The following PHKA1 variants were observed in gnomAD, a reference collection of about 807,000 sequenced individuals.
The protein encoded by PHKA1 is phosphorylase kinase regulatory subunit alpha 1.
Under a neutral mutation model 110.2 loss-of-function variants are expected in PHKA1, and 60 were observed. The ratio of observed to expected loss-of-function variants is 0.54; its 90% CI spans 0.44 to 0.68. The LOEUF (loss-of-function observed/expected upper bound fraction) is 0.68. Among genes scored for constraint, PHKA1 ranks in the 30% least tolerant of loss-of-function variants. PHKA1 has a pLI of 0.00. For synonymous variants in PHKA1, 316 were observed against 333.6 expected, an observed-to-expected ratio of 0.95 and a Z score of 0.58; for missense variants, 801 against 942.5, an observed-to-expected ratio of 0.85 and a Z score of 1.97.
At chrX:72,585,310 T>C (rs781844431) in intron 29 of PHKA1, among the ~76,000 whole-genome samples, 1 of 111,869 alleles carries the variant, frequency 8.9e-6, no homozygotes, top group South Asian at 3.8e-4. Flanking sequence ...ACTCAAAATG[T>C]ATGCTTTTCA....
rs183563403 is a variant in PHKA1 at position 72,685,928 on chromosome X, T to G, written c.455-1348A>C. Among the ~76,000 whole-genome samples the G allele has an allele frequency of 3.6e-5, 4 of 111,974 alleles. No individual in the cohort carries two copies. The East Asian group carries it at 8.4e-4, about 23-fold the overall frequency. ...GATGTGTTGGTTTAATGGAAATGAGTACATGTGCCAGCTATGTAGTTGTGT... is the reference window on the plus strand; with the variant it reads ...GATGTGTTGGTTTAATGGAAATGAGGACATGTGCCAGCTATGTAGTTGTGT... On this transcript the variant is annotated intron_variant, in intron 4 of 31. Transcript: ENST00000373542.
chrX:72,672,982 A>G (rs1406762488), intron 6 of PHKA1, among the ~76,000 whole-genome samples: 1 of 112,508 alleles, frequency 8.9e-6, no homozygotes. Context: ...AGGTCATGAA[A>G]GACAAGTAAG....
At chrX:72,617,843 A>T (rs1471951404) in intron 21 of PHKA1, among the ~76,000 whole-genome samples, 3 of 102,903 alleles carry the variant, frequency 2.9e-5, no homozygotes, top group Non-Finnish European at 4.0e-5. Context: ...TAAAAAAAAT[A>T]AAAAAAAAAA....
chrX:72,612,570 T>C (rs2052828184), intron 21 of PHKA1, among the ~76,000 whole-genome samples: 1 of 112,188 alleles, frequency 8.9e-6, no homozygotes, highest in African/African-American at 3.2e-5. Flanking sequence ...TTTTTGTGAT[T>C]GTGAATTCTG....
At chrX:72,672,205 C>T (rs1248747456) in intron 6 of PHKA1, among the ~76,000 whole-genome samples, 3 of 111,860 alleles carry the variant, frequency 2.7e-5, no homozygotes, top group Non-Finnish European at 5.6e-5. Flanking sequence ...AGTTCCAAGG[C>T]AGTCCTGGGC....
intron 8 of PHKA1, among the ~76,000 whole-genome samples, chrX:72,665,680 T>A (rs1556306047): frequency 8.9e-6 from 1 of 112,227 alleles, no homozygotes; most frequent in African/African-American, 3.2e-5. Flanking sequence ...TTATACACCA[T>A]GATTAAATCT....
At chrX:72,681,462 C>A (rs1397504681) in intron 5 of PHKA1, among the ~76,000 whole-genome samples, 1 of 88,406 alleles carries the variant, frequency 1.1e-5, no homozygotes, top group East Asian at 5.8e-4. Context: ...TCAGCCCCCC[C>A]GCCCGGCCAG....
At chrX:72,664,424 T>A (rs183268279) in intron 8 of PHKA1, among the ~76,000 whole-genome samples, 3 of 111,880 alleles carry the variant, frequency 2.7e-5, no homozygotes, top group Non-Finnish European at 5.7e-5. Flanking sequence ...CATTCAGATA[T>A]ATAAACCAAA....
chrX:72,607,527 A>T (rs1826127966), intron 23 of PHKA1, among the ~76,000 whole-genome samples: 1 of 112,019 alleles, frequency 8.9e-6, no homozygotes, highest in Non-Finnish European at 1.9e-5. Context: ...TCTTCTTTTG[A>T]GAAATGTCTA....
At chrX:72,700,463 G>A (rs782513990) in intron 3 of PHKA1, among the ~76,000 whole-genome samples, 1 of 112,006 alleles carries the variant, frequency 8.9e-6, no homozygotes, top group Non-Finnish European at 1.9e-5. Context: ...ATGAAATGTT[G>A]TTTGGTTTTC....
At chrX:72,653,102 C>T (rs1163869608) in intron 11 of PHKA1, among the ~76,000 whole-genome samples, 1 of 111,319 alleles carries the variant, frequency 9.0e-6, no homozygotes, top group Non-Finnish European at 1.9e-5. Context: ...TCTATTAAAA[C>T]AATCCGGGAT....
chrX:72,603,271 C>T, intron 25 of PHKA1, 51 bp from the exon 26 acceptor site: 3 of 723,371 alleles, frequency 4.1e-6, no homozygotes, highest in Non-Finnish European at 6.5e-6. Context: ...GCCTGCCATG[C>T]CCTCTCTATA....
rs202064504 is a variant in PHKA1 at position 72,630,246 on chromosome X, TGAAAAA to T, written c.1715-3203_1715-3198del. Among the ~76,000 whole-genome samples the T allele has an allele frequency of 5.3e-3, 429 of 81,059 alleles. 1 individual carries two copies. Among genetic ancestry groups the T allele is most frequent in the African/African-American group, 0.013 (252 of 20,090 alleles). The allele number at this position is 81,059 out of a possible 115,157, so 70.4% of individuals were successfully genotyped here. On this transcript the variant is annotated intron_variant, in intron 16 of 31. Transcript: ENST00000373542. ...CAGGCTGGGTGACAGAGAGAGACTC[TGAAAAA>T]GAAAAAGAAAAAGAAAAAGAAAAAG...
chrX:72,645,153 G>A (rs1556296817), intron 13 of PHKA1, among the ~76,000 whole-genome samples: 1 of 111,577 alleles, frequency 9.0e-6, no homozygotes, highest in Non-Finnish European at 1.9e-5. Flanking sequence ...AACTACAAGA[G>A]AGGAGGCTAG....
At chrX:72,682,094 C>T (rs1391028193) in intron 5 of PHKA1, among the ~76,000 whole-genome samples, 35 of 79,646 alleles carry the variant, frequency 4.4e-4, no homozygotes, top group African/African-American at 1.6e-3. Flanking sequence ...GTCGGCCCCC[C>T]GCCCGGCCAG....
rs782264667 is a variant in PHKA1, at chrX:72,695,763, C to A, written c.399G>T (p.Leu133=). Residue 133 remains leucine, a synonymous_variant, in exon 4 of 32, where the codon CTG becomes CTT. Transcript: ENST00000373542. ...TVVGDDQWGH[L]QLDATSVYLL... ...GGTACACAGAGGTAGCATCCAACTGCAGGTGTCCCCATTGATCATCACCCA... is the reference window on the plus strand; with the variant it reads ...GGTACACAGAGGTAGCATCCAACTGAAGGTGTCCCCATTGATCATCACCCA... 8.3e-7 allele frequency: 1 copy of A among 1,207,702 alleles called. No individual in the cohort carries two copies. Among genetic ancestry groups the A allele is most frequent in the Admixed American group, 2.2e-5 (1 of 45,922 alleles).
chrX:72,704,644 C>T (rs1371890396), intron 3 of PHKA1, among the ~76,000 whole-genome samples: 1 of 110,968 alleles, frequency 9.0e-6, no homozygotes, highest in Non-Finnish European at 1.9e-5. Flanking sequence ...AGTGCAGTGG[C>T]ACCATCTTGG....
In PHKA1 at chrX:72,684,478, A is replaced by T; in HGVS notation, c.537+20T>A. ...CAAAAACATCATATGTCTAAAATCC[A>T]TTCTAAAATCAGTACTTACAGCAGT... On this transcript the variant is annotated intron_variant, in intron 5 of 31. Coordinates refer to ENST00000373542, the MANE Select transcript of PHKA1 (RefSeq NM_002637.4). 9.9e-7 allele frequency: 1 copy of T among 1,012,314 alleles called. No homozygotes were observed. The highest frequency in any genetic ancestry group is 1.4e-6 in the Non-Finnish European group (1 of 714,018). 83.4% of individuals were successfully genotyped at this position (1,012,314 alleles called of 1,213,427 possible).
At chrX:72,609,890 T>G (rs186915744) in intron 22 of PHKA1, among the ~76,000 whole-genome samples, 187 bp from the exon 23 acceptor site, 1 of 111,995 alleles carries the variant, frequency 8.9e-6, no homozygotes, top group East Asian at 2.8e-4. Flanking sequence ...TCTTTTCATC[T>G]ATCTCCTAGA....
Sources: gnomAD v4.1 joint callset for allele counts (sites outside exome capture counted in the v4.1 genomes callset) on GRCh38, gnomAD v4.1.1 for gene constraint, MANE v1.5 for transcripts, NCBI Gene and HGNC (gene_info 2026-07-23, HGNC 2026-07-21) for gene names.